Variants in OR51E2 observed in about 807,000 individuals in gnomAD.
OR51E2 encodes the protein olfactory receptor family 51 subfamily E member 2.
OR51E2 carries 14 observed loss-of-function variants against 13.7 expected under a neutral mutation model. The ratio of observed to expected loss-of-function variants is 1.02; its 90% CI spans 0.68 to 1.60. The LOEUF is 1.60. Ranked by LOEUF, OR51E2 falls within the 40% of genes most tolerant of loss-of-function variation. The pLI, the probability that OR51E2 is intolerant of heterozygous loss-of-function variation, is 0.00. For synonymous variants in OR51E2, 180 were observed against 157.6 expected (o/e 1.14, Z -1.07); for missense variants, 483 against 413.8 (o/e 1.17, Z -1.45).
At chr11:4,697,330 G>A (rs182915635) in intron 1 of OR51E2, among the ~76,000 whole-genome samples, 8 of 152,298 alleles carry the variant, frequency 5.3e-5, no homozygotes, top group Admixed American at 1.3e-4. Flanking sequence ...CAGGCAATGC[G>A]TTCGAAATTG....
In OR51E2 at chr11:4,682,323, C is replaced by T. The variant is rs574463776; in HGVS notation, c.389G>A (p.Arg130His). The change falls in exon 2 of 2, where the codon CGC (arginine) becomes CAC (histidine). Residue 130 changes from arginine to histidine, a missense_variant. Transcript: ENST00000396950. The part of the protein sequence containing the change: ...DRYVAICHPL[R>H]HAAVLNNTVT... ...TGTATTGTTGAGCACTGCAGCATGG[C>T]GCAGTGGGTGGCAGATGGCCACATA... 8.7e-6 allele frequency: 14 copies of T among 1,614,104 alleles called. No homozygotes were observed. The highest frequency in any genetic ancestry group is 4.0e-5 in the African/African-American group (3 of 75,004).
intron 1 of OR51E2, among the ~76,000 whole-genome samples, chr11:4,694,591 C>G (rs1847633913): frequency 6.6e-6 from 1 of 151,592 alleles, no homozygotes. Context: ...CACACACACA[C>G]ACACACACAT....
At chr11:4,692,867 G>T (rs370982124) in intron 1 of OR51E2, among the ~76,000 whole-genome samples, 10 of 151,162 alleles carry the variant, frequency 6.6e-5, no homozygotes, top group East Asian at 3.9e-4. Context: ...AAAAAGGGGG[G>T]GTGGGGGTGT....
chr11:4,686,140 A>G (rs1335392337), intron 1 of OR51E2, among the ~76,000 whole-genome samples: 1 of 152,222 alleles, frequency 6.6e-6, no homozygotes, highest in Non-Finnish European at 1.5e-5. Flanking sequence ...CCAGAGGTGA[A>G]TAAGACAAAG....
At chr11:4,690,790 C>T (rs529446160) in intron 1 of OR51E2, 1 of 418,722 alleles carries the variant, frequency 2.4e-6, no homozygotes, top group Non-Finnish European at 4.7e-6. Context: ...ATTTTTATCA[C>T]AGCTCTACGT....
chr11:4,691,661 GA>G, intron 1 of OR51E2: 1 of 403,688 alleles, frequency 2.5e-6, no homozygotes, highest in Non-Finnish European at 4.9e-6. Flanking sequence ...CAGTGAGCAG[GA>G]AAATGATGGA....
Position 4,682,309 on chromosome 11 carries a change from G to A in OR51E2, c.403C>T (p.Leu135Phe), listed in dbSNP as rs767704363. ...ATCTGGGCTGTTACTGTATTGTTGA[G>A]CACTGCAGCATGGCGCAGTGGGTGG... The part of the protein sequence containing the change: ...ICHPLRHAAV[L>F]NNTVTAQIGI... Residue 135 changes from leucine (L) to phenylalanine (F), a missense_variant, in exon 2 of 2, where the codon CTC (leucine) becomes TTC (phenylalanine). Transcript: ENST00000396950. 6.2e-7 allele frequency: 1 copy of A among 1,614,192 alleles called. No individual in the cohort carries two copies. The highest frequency in any genetic ancestry group is 2.2e-5 in the East Asian group (1 of 44,864).
At chr11:4,695,922 C>T (rs1320038971) in intron 1 of OR51E2, among the ~76,000 whole-genome samples, 1 of 152,128 alleles carries the variant, frequency 6.6e-6, no homozygotes, top group Non-Finnish European at 1.5e-5. Context: ...TGGTTATTCT[C>T]ATGGCTTTAA....
At chr11:4,689,031 G>T (rs955430192) in intron 1 of OR51E2, among the ~76,000 whole-genome samples, 2 of 152,156 alleles carry the variant, frequency 1.3e-5, no homozygotes, top group African/African-American at 4.8e-5. Flanking sequence ...AGTGGGATAA[G>T]TCTGAACTAC....
Position 4,682,779 on chromosome 11 carries a change from A to G in OR51E2, c.-50-18T>C. 1 of 1,528,754 alleles carries G rather than the reference A, an allele frequency of 6.5e-7. No homozygotes were observed. Among genetic ancestry groups the G allele is most frequent in the Middle Eastern group, 2.3e-4 (1 of 4,284 alleles). 94.7% of individuals were successfully genotyped at this position (1,528,754 alleles called of 1,614,324 possible). ...CTGGCAGTCTGCAGGGACATAGAGC[A>G]CAATCAGAGAATGCCCTGGAAACTT... On this transcript the variant is annotated intron_variant, in intron 1 of 1. Coordinates refer to ENST00000396950, the MANE Select transcript of OR51E2 (RefSeq NM_030774.4).
At chr11:4,697,254 C>T (rs1416631376) in intron 1 of OR51E2, among the ~76,000 whole-genome samples, 1 of 152,154 alleles carries the variant, frequency 6.6e-6, no homozygotes, top group Admixed American at 6.5e-5. Flanking sequence ...GTAATATAAA[C>T]TTTCTGTGAC....
chr11:4,682,365 G>C lies in OR51E2; in HGVS notation c.347C>G (p.Ala116Gly), dbSNP rs2133244394. The C allele has an allele frequency of 6.2e-7, 1 of 1,614,238 alleles. No individual in the cohort carries two copies. The highest frequency in any genetic ancestry group is 1.6e-4 in the Middle Eastern group (1 of 6,062). The change falls in exon 2 of 2, where the codon GCC becomes GGC. Residue 116 changes from alanine to glycine, a missense_variant. Ala to Gly is a moderately conservative substitution (Grantham distance 60). Transcript: ENST00000396950. ...GGCCACATAACGGTCAAAGGCCATG[G>C]CCAGCAGGATGGTGGATTCAATGGC... is the stretch of plus-strand genomic sequence containing the variant. The part of the protein sequence containing the change: ...LSAIESTILL[A>G]MAFDRYVAIC...
In OR51E2 at chr11:4,696,958, T is replaced by C. The variant is rs114601538; in HGVS notation, c.-51+695A>G. Among the ~76,000 whole-genome samples, 381 of 152,340 alleles carry C rather than the reference T, an allele frequency of 2.5e-3. 2 individuals are homozygous for C. The highest frequency in any genetic ancestry group is 8.7e-3 in the African/African-American group (361 of 41,590). On this transcript the variant is annotated intron_variant, in intron 1 of 1. Coordinates refer to ENST00000396950, the MANE Select transcript of OR51E2 (RefSeq NM_030774.4). Reference sequence around the variant, plus strand: ...AGACCATCTACACCATTAATAAAAATATTACTCATAGAAATAGCTACCATT... The same window carrying C: ...AGACCATCTACACCATTAATAAAAACATTACTCATAGAAATAGCTACCATT...
intron 1 of OR51E2, among the ~76,000 whole-genome samples, chr11:4,690,164 C>G (rs566801854): frequency 1.3e-5 from 2 of 151,484 alleles, no homozygotes; most frequent in Non-Finnish European, 2.9e-5. Context: ...TGGATGTGCT[C>G]TGCCATCAGC....
At chr11:4,692,295 A>C (rs901918930) in intron 1 of OR51E2, 3 of 320,502 alleles carry the variant, frequency 9.4e-6, no homozygotes, top group Non-Finnish European at 1.9e-5. Context: ...CATTAAAGAA[A>C]CCCTTACAAT....
At chr11:4,695,486 C>T (rs1386460307) in intron 1 of OR51E2, among the ~76,000 whole-genome samples, 2 of 152,094 alleles carry the variant, frequency 1.3e-5, no homozygotes, top group African/African-American at 4.8e-5. Context: ...AAGACATAAG[C>T]CCTGTTTCTC....
At chr11:4,685,746 T>C (rs1847507272) in intron 1 of OR51E2, 1 of 152,186 alleles carries the variant, frequency 6.6e-6, no homozygotes, top group Non-Finnish European at 1.5e-5. Flanking sequence ...AGGCTTACAA[T>C]GTTATAAGCA....
rs1254146352 is a variant in OR51E2, at chr11:4,697,711, CT to C, written c.-110del. On this transcript the variant is annotated 5_prime_UTR_variant, in exon 1 of 2. Coordinates refer to ENST00000396950, the MANE Select transcript of OR51E2 (RefSeq NM_030774.4). ...AGGCTGACTCAGAAGGCTGAGGAGG[CT>C]TTAGATTCCAGGGGAGGGCCGAGCT... 1.3e-5 allele frequency: 2 copies of C among 152,668 alleles called. No homozygotes were observed. The highest frequency in any genetic ancestry group is 2.9e-5 in the Non-Finnish European group (2 of 68,064). The allele number at this position is 152,668 out of a possible 1,614,324, so 9.5% of individuals were successfully genotyped here. A position where few individuals can be genotyped will look rare whatever the true frequency, so the allele number is the denominator to read the frequency against.
chr11:4,688,015 G>A (rs888909839), intron 1 of OR51E2, among the ~76,000 whole-genome samples: 5 of 152,190 alleles, frequency 3.3e-5, no homozygotes, highest in Admixed American at 3.3e-4. Context: ...GAGGTAAACA[G>A]AGCCAGATCA....
Sources: gnomAD v4.1 joint callset for allele counts (sites outside exome capture counted in the v4.1 genomes callset) on GRCh38, gnomAD v4.1.1 for gene constraint, MANE v1.5 for transcripts, NCBI Gene and HGNC (gene_info 2026-07-23, HGNC 2026-07-21) for gene names.